The following LRRC40 variants were observed in gnomAD, a reference collection of about 807,000 sequenced individuals.
The protein encoded by LRRC40 is leucine-rich repeat-containing protein 40.
LRRC40 carries 76 observed loss-of-function variants against 72.8 expected under a neutral mutation model. The observed-to-expected ratio is 1.04, with a 90% CI of 0.87 to 1.26. The LOEUF is 1.26. Among genes scored for constraint, LRRC40 ranks in the 50% most tolerant of loss-of-function variants. The pLI, the probability that LRRC40 is intolerant of heterozygous loss-of-function variation, is 0.00. For missense variants in LRRC40, 684 were observed against 698.9 expected, an observed-to-expected ratio of 0.98 and a Z score of 0.24; for synonymous variants, 243 against 254.2, an observed-to-expected ratio of 0.96 and a Z score of 0.42.
chr1:70,196,017 T>G (rs1457374506), intron 1 of LRRC40, among the ~76,000 whole-genome samples: 2 of 151,964 alleles, frequency 1.3e-5, no homozygotes, highest in African/African-American at 4.8e-5. Flanking sequence ...CAAAGACTTG[T>G]ACATGAGGCA....
At chr1:70,188,702 T>C (rs2100328834) in intron 2 of LRRC40, among the ~76,000 whole-genome samples, 1 of 152,268 alleles carries the variant, frequency 6.6e-6, no homozygotes, top group African/African-American at 2.4e-5. Flanking sequence ...CGCCACTATT[T>C]TGCCTGTGCA....
At chr1:70,192,606 C>T (rs1668525820) in intron 1 of LRRC40, among the ~76,000 whole-genome samples, 1 of 152,058 alleles carries the variant, frequency 6.6e-6, no homozygotes, top group Non-Finnish European at 1.5e-5. Flanking sequence ...AAATGTGGTA[C>T]ATATACATCA....
At chr1:70,194,187 T>C (rs1290573408) in intron 1 of LRRC40, among the ~76,000 whole-genome samples, 1 of 152,084 alleles carries the variant, frequency 6.6e-6, no homozygotes, top group Non-Finnish European at 1.5e-5. Flanking sequence ...TGATCATCTA[T>C]GTACAAAGTG....
intron 1 of LRRC40, among the ~76,000 whole-genome samples, chr1:70,190,209 T>C (rs1668462949): frequency 6.6e-6 from 1 of 152,104 alleles, no homozygotes; most frequent in Admixed American, 6.6e-5. Context: ...AAGGCAAAAA[T>C]TGGTTATACC....
chr1:70,203,592 A>G (rs541895419), intron 1 of LRRC40, among the ~76,000 whole-genome samples: 3 of 152,210 alleles, frequency 2.0e-5, no homozygotes, highest in Non-Finnish European at 4.4e-5. Flanking sequence ...TGCTGCCATG[A>G]TAACAGCAAT....
At chr1:70,188,104 TAGAA>T (rs937828362) in intron 2 of LRRC40, among the ~76,000 whole-genome samples, 1 of 152,076 alleles carries the variant, frequency 6.6e-6, no homozygotes, top group African/African-American at 2.4e-5. Flanking sequence ...GTTTTTAAGG[TAGAA>T]AGAACCTTAG....
At chr1:70,181,309 A>G (rs890582957) in intron 4 of LRRC40, 100 bp from the exon 5 acceptor site, 2 of 631,214 alleles carry the variant, frequency 3.2e-6, no homozygotes, top group African/African-American at 3.8e-5. Context: ...ATTACAACAT[A>G]AAAGAGACTA....
intron 6 of LRRC40, among the ~76,000 whole-genome samples, chr1:70,178,559 CTACT>C (rs2100300569): frequency 6.6e-6 from 1 of 152,204 alleles, no homozygotes; most frequent in Non-Finnish European, 1.5e-5. Flanking sequence ...TCCAGGTCTC[CTACT>C]TACAATTTTA....
chr1:70,162,328 C>T (rs954688337), intron 9 of LRRC40, among the ~76,000 whole-genome samples: 58 of 152,084 alleles, frequency 3.8e-4, no homozygotes, highest in African/African-American at 1.4e-3. Context: ...GCTAGTTTGT[C>T]CCCTGAGGAG....
chr1:70,191,776 T>C (rs1668506175), intron 1 of LRRC40, among the ~76,000 whole-genome samples: 1 of 152,094 alleles, frequency 6.6e-6, no homozygotes, highest in Non-Finnish European at 1.5e-5. Context: ...AAATAGAAAC[T>C]ACCCACATAA....
At chr1:70,179,747 G>A (rs1012455605) in intron 5 of LRRC40, among the ~76,000 whole-genome samples, 1 of 151,834 alleles carries the variant, frequency 6.6e-6, no homozygotes, top group Non-Finnish European at 1.5e-5. Context: ...TTATGTCTTC[G>A]TTCTAGATAT....
chr1:70,153,671 A>G (rs916328544), intron 11 of LRRC40, among the ~76,000 whole-genome samples: 6 of 152,086 alleles, frequency 3.9e-5, no homozygotes, highest in African/African-American at 1.4e-4. Flanking sequence ...AATACTTATG[A>G]CAAATAAACC....
intron 9 of LRRC40, among the ~76,000 whole-genome samples, chr1:70,167,651 G>C (rs1244744043): frequency 6.6e-6 from 1 of 152,080 alleles, no homozygotes; most frequent in Non-Finnish European, 1.5e-5. Flanking sequence ...CTTGCTCTGA[G>C]TTGCCCAGGC....
At chr1:70,156,426 T>C (rs761513542) in intron 10 of LRRC40, among the ~76,000 whole-genome samples, 9 of 152,156 alleles carry the variant, frequency 5.9e-5, no homozygotes, top group Non-Finnish European at 1.0e-4. Context: ...TTACCTCCCC[T>C]GAATCTCAGT....
chr1:70,161,631 T>C (rs999582731), intron 9 of LRRC40, among the ~76,000 whole-genome samples: 6 of 152,078 alleles, frequency 3.9e-5, no homozygotes, highest in African/African-American at 1.2e-4. Flanking sequence ...GGTGATTTAG[T>C]TGAACGAGTG....
chr1:70,173,498 C>G lies in LRRC40; in HGVS notation c.1078G>C (p.Glu360Gln). The change falls in exon 9 of 15, where the codon GAA becomes CAA. Residue 360 changes from glutamate to glutamine, a missense_variant. Glu to Gln is a conservative substitution (Grantham distance 29). Transcript: ENST00000370952. Reference sequence around the variant, plus strand: ...TTGCTTCGTAGATATTTTAGGACTTCTTGTGTTCCTTTCTAGAAGGGTGGA... The same window carrying G: ...TTGCTTCGTAGATATTTTAGGACTTGTTGTGTTCCTTTCTAGAAGGGTGGA... ...RREIISKGTQEVLKYLRSKIK... is the reference protein window; with the variant it reads ...RREIISKGTQQVLKYLRSKIK... 6.2e-7 allele frequency: 1 copy of G among 1,608,118 alleles called. No homozygotes were observed. The highest frequency in any genetic ancestry group is 8.5e-7 in the Non-Finnish European group (1 of 1,175,160).
intron 10 of LRRC40, among the ~76,000 whole-genome samples, chr1:70,158,021 A>G (rs1667677288): frequency 7.0e-6 from 1 of 143,618 alleles, no homozygotes; most frequent in African/African-American, 2.6e-5. Flanking sequence ...GAATCGCTTG[A>G]GCCAGGAGGT....
Position 70,187,251 on chromosome 1 carries a change from A to G in LRRC40, c.407+14T>C. 7.3e-7 allele frequency: 1 copy of G among 1,365,294 alleles called. No homozygotes were observed. The highest frequency in any genetic ancestry group is 1.0e-6 in the Non-Finnish European group (1 of 959,414). 84.6% of individuals were successfully genotyped at this position (1,365,294 alleles called of 1,614,324 possible). A position where few individuals can be genotyped will look rare whatever the true frequency, so the allele number is the denominator to read the frequency against. On this transcript the variant is annotated intron_variant, in intron 3 of 14. Transcript: ENST00000370952. ...ATAAGGGCAATAATATAAGTAAATAAGCTTAATTTTTACCTGACATTAAGT... is the reference window on the plus strand; with the variant it reads ...ATAAGGGCAATAATATAAGTAAATAGGCTTAATTTTTACCTGACATTAAGT...
intron 9 of LRRC40, among the ~76,000 whole-genome samples, chr1:70,169,148 C>A (rs537983955): frequency 5.3e-4 from 80 of 152,280 alleles, no homozygotes; most frequent in African/African-American, 1.7e-3. Flanking sequence ...GCTGGCACAA[C>A]ATCCTGTTCC....
Sources: allele counts gnomAD v4.1 joint callset (sites outside exome capture counted in the v4.1 genomes callset), GRCh38; gene constraint gnomAD v4.1.1; transcripts MANE v1.5; gene names NCBI Gene and HGNC (gene_info 2026-07-23, HGNC 2026-07-21).